The following RBM33 variants were observed in gnomAD, a reference collection of about 807,000 sequenced individuals.
RBM33 encodes RNA-binding protein 33.
A neutral mutation model predicts 132.6 loss-of-function variants in RBM33; 28 were observed. The observed-to-expected ratio is 0.21, with a 90% CI of 0.16 to 0.29. The LOEUF (loss-of-function observed/expected upper bound fraction) is 0.29. Among genes scored for constraint, RBM33 ranks in the 10% least tolerant of loss-of-function variants. The probability of loss-of-function intolerance (pLI) is 1.00; values close to 1 mark genes in which losing one functional copy is unlikely to be tolerated. For synonymous variants in RBM33, 634 were observed against 593.0 expected (o/e 1.07, Z -1.01); for missense variants, 1,291 against 1,518.5 (o/e 0.85, Z 2.49).
intron 5 of RBM33, among the ~76,000 whole-genome samples, chr7:155,698,230 G>T (rs6459889): frequency 0.66 from 99,797 of 151,890 alleles, 33,432 homozygotes; most frequent in South Asian, 0.77. Context: ...AGCCTGGCGT[G>T]GTGGTGGACG....
At position 155,775,856 on chromosome 7, in the gene RBM33, A is replaced by T. The variant is rs10269841; in HGVS notation, c.*815A>T. On this transcript the variant is annotated 3_prime_UTR_variant, in exon 18 of 18. Coordinates refer to ENST00000401878, the MANE Select transcript of RBM33 (RefSeq NM_053043.3). ...GTGGAATGGCCTGAAGGTGGAACAG[A>T]CCTGTTTTTTTCCTTTTTAAATGCA... is the stretch of plus-strand genomic sequence containing the variant. The T allele has an allele frequency of 0.18, 26,830 of 152,144 alleles. 2,415 individuals are homozygous for T. The highest frequency in any genetic ancestry group is 0.28 in the East Asian group (1,443 of 5,158). The allele number at this position is 152,144 out of a possible 1,614,324, so 9.4% of individuals were successfully genotyped here. A position where few individuals can be genotyped will look rare whatever the true frequency, so the allele number is the denominator to read the frequency against.
intron 5 of RBM33, among the ~76,000 whole-genome samples, chr7:155,697,910 T>G (rs1799842886): frequency 6.6e-6 from 1 of 152,222 alleles, no homozygotes; most frequent in Admixed American, 6.5e-5. Flanking sequence ...AAATCAAACC[T>G]TTGACTATTT....
chr7:155,703,988 A>C (rs112022470), intron 6 of RBM33, among the ~76,000 whole-genome samples: 346 of 152,242 alleles, frequency 2.3e-3, no homozygotes, highest in Non-Finnish European at 3.6e-3. Flanking sequence ...TGTTGAGAAC[A>C]CTTCATTCTT....
At chr7:155,744,595 A>G (rs145318164) in intron 13 of RBM33, among the ~76,000 whole-genome samples, 15 of 152,372 alleles carry the variant, frequency 9.8e-5, no homozygotes, top group African/African-American at 3.4e-4. Context: ...TTGGTTTGTC[A>G]GAGAAGAGCC....
Position 155,644,716 on chromosome 7 carries a change from G to A in RBM33, c.-161G>A. 1 of 508,544 alleles carries A rather than the reference G, an allele frequency of 2.0e-6. No individual in the cohort carries two copies. Among genetic ancestry groups the A allele is most frequent in the Non-Finnish European group, 3.3e-6 (1 of 298,986 alleles). The allele number at this position is 508,544 out of a possible 1,614,324, so 31.5% of individuals were successfully genotyped here. A position where few individuals can be genotyped will look rare whatever the true frequency, so the allele number is the denominator to read the frequency against. ...TTTGTTGTTTTCTTCCTGCGGAGGC[G>A]AAGGGCCAGCTGTGGACCGCGAAGC... On this transcript the variant is annotated 5_prime_UTR_variant, in exon 1 of 18. Coordinates refer to ENST00000401878, the MANE Select transcript of RBM33 (RefSeq NM_053043.3).
At chr7:155,685,256 T>TA (rs763478971) in intron 5 of RBM33, among the ~76,000 whole-genome samples, 2 of 152,196 alleles carry the variant, frequency 1.3e-5, no homozygotes, top group Non-Finnish European at 2.9e-5. Context: ...GTTTAAGTGT[T>TA]AGAGTGTTGT....
intron 12 of RBM33, 63 bp from the exon 13 acceptor site, chr7:155,741,756 C>A: frequency 7.0e-7 from 1 of 1,434,090 alleles, no homozygotes; most frequent in Non-Finnish European, 9.6e-7. Flanking sequence ...AATAATGTGC[C>A]TTTTAATGTT....
intron 16 of RBM33, among the ~76,000 whole-genome samples, chr7:155,767,472 A>G (rs1475124764): frequency 6.6e-6 from 1 of 152,236 alleles, no homozygotes; most frequent in East Asian, 1.9e-4. Flanking sequence ...TCTTTCAAGA[A>G]TCTCTTACAG....
chr7:155,708,558 C>T (rs1327117661), intron 7 of RBM33, among the ~76,000 whole-genome samples: 10 of 152,194 alleles, frequency 6.6e-5, no homozygotes, highest in Non-Finnish European at 1.0e-4. Context: ...AGAGGCTGAA[C>T]TGAGATGGCG....
chr7:155,739,826 C>A lies in RBM33; in HGVS notation c.1849C>A (p.Pro617Thr). ...PPHQPPHQPP[P>T]QHQPPPQHPP... ...GCACCAGCCCCCGCACCAGCCCCCGCCCCAGCACCAGCCCCCACCCCAGCA... is the reference window on the plus strand; with the variant it reads ...GCACCAGCCCCCGCACCAGCCCCCGACCCAGCACCAGCCCCCACCCCAGCA... Residue 617 changes from proline (P) to threonine (T), a missense_variant, in exon 12 of 18, where the codon CCC (proline) becomes ACC (threonine). Physicochemically the swap from Pro to Thr is conservative, Grantham distance 38. Around this residue, in one of 7 missense-constraint regions of RBM33, gnomAD observed 841 missense variants for 912.0 expected, o/e 0.92. Transcript: ENST00000401878. 7.7e-7 allele frequency: 1 copy of A among 1,295,470 alleles called. No individual in the cohort carries two copies. The highest frequency in any genetic ancestry group is 1.1e-6 in the Non-Finnish European group (1 of 931,364). 80.2% of individuals were successfully genotyped at this position (1,295,470 alleles called of 1,614,324 possible).
intron 1 of RBM33, among the ~76,000 whole-genome samples, chr7:155,663,888 T>A (rs1198650430): frequency 6.6e-6 from 1 of 152,208 alleles, no homozygotes; most frequent in Admixed American, 6.5e-5. Flanking sequence ...ATTTCAATTC[T>A]TTGTTTACTA....
intron 2 of RBM33, among the ~76,000 whole-genome samples, chr7:155,669,849 G>A (rs1798898529): frequency 6.6e-6 from 1 of 152,176 alleles, no homozygotes; most frequent in South Asian, 2.1e-4. Flanking sequence ...GGAGGGGCCG[G>A]TCTTTCTCCT....
intron 1 of RBM33, among the ~76,000 whole-genome samples, chr7:155,647,415 T>C (rs1034409365): frequency 6.6e-6 from 1 of 152,094 alleles, no homozygotes; most frequent in African/African-American, 2.4e-5. Flanking sequence ...AAAGTGTCTA[T>C]AGGAGTGTTT....
At chr7:155,695,310 T>A (rs1222879943) in intron 5 of RBM33, among the ~76,000 whole-genome samples, 1 of 152,238 alleles carries the variant, frequency 6.6e-6, no homozygotes, top group Non-Finnish European at 1.5e-5. Flanking sequence ...ACATGTATCA[T>A]CTCTATGGAG....
chr7:155,673,958 T>G lies in RBM33; in HGVS notation c.171+1043T>G, dbSNP rs1260433037. Among the ~76,000 whole-genome samples, 121 of 123,472 alleles carry G rather than the reference T, an allele frequency of 9.8e-4. 22 individuals are homozygous for G. In the South Asian group the frequency reaches 0.033, roughly 34 times the overall value. 81.0% of individuals were successfully genotyped at this position (123,472 alleles called of 152,430 possible). Reference sequence around the variant, plus strand: ...AGGCTTAGTTTTTTTTTTTTTTTTTTTTTTTTTTTTTTTTGAGACACAGTC... The same window carrying G: ...AGGCTTAGTTTTTTTTTTTTTTTTTGTTTTTTTTTTTTTTGAGACACAGTC... On this transcript the variant is annotated intron_variant, in intron 3 of 17. Coordinates refer to ENST00000401878, the MANE Select transcript of RBM33 (RefSeq NM_053043.3).
intron 1 of RBM33, 47 bp from the exon 2 acceptor site, chr7:155,665,128 G>A (rs762742395): frequency 6.6e-7 from 1 of 1,505,248 alleles, no homozygotes; most frequent in South Asian, 1.1e-5. Flanking sequence ...TTTGCATTGT[G>A]TCTATTTTAA....
At chr7:155,756,239 C>G in intron 14 of RBM33, among the ~76,000 whole-genome samples, 1 of 152,172 alleles carries the variant, frequency 6.6e-6, no homozygotes, top group Non-Finnish European at 1.5e-5. Flanking sequence ...ATTTACTTAA[C>G]TAAGTACTAG....
intron 5 of RBM33, among the ~76,000 whole-genome samples, chr7:155,698,159 G>A (rs1799851792): frequency 6.6e-6 from 1 of 152,112 alleles, no homozygotes; most frequent in African/African-American, 2.4e-5. Context: ...ACGAGGTCAG[G>A]ATTTTGAGAC....
chr7:155,713,487 G>A (rs781394064), intron 8 of RBM33, among the ~76,000 whole-genome samples: 2 of 152,072 alleles, frequency 1.3e-5, no homozygotes, highest in African/African-American at 2.4e-5. Flanking sequence ...TGGGAATGGG[G>A]GCAGGAGGAG....
Sources: gnomAD v4.1 joint callset for allele counts (sites outside exome capture counted in the v4.1 genomes callset) on GRCh38, gnomAD v4.1.1 for gene constraint, gnomAD v4.1.1 regional missense constraint, MANE v1.5 for transcripts, NCBI Gene and HGNC (gene_info 2026-07-23, HGNC 2026-07-21) for gene names.